ST8SIA6: variants seen among roughly 807,000 people sequenced by gnomAD.
The protein encoded by ST8SIA6 is ST8 alpha-N-acetyl-neuraminide alpha-2,8-sialyltransferase 6, also known as alpha-2,8-sialyltransferase 8F.
Under a neutral mutation model 33.6 loss-of-function variants are expected in ST8SIA6, and 39 were observed. The observed-to-expected ratio is 1.16, with a 90% confidence interval of 0.90 to 1.52. The LOEUF (loss-of-function observed/expected upper bound fraction) is 1.52. Ranked by LOEUF, ST8SIA6 falls within the 40% of genes most tolerant of loss-of-function variation. The probability of loss-of-function intolerance (pLI) is 0.00; values close to 1 mark genes in which losing one functional copy is unlikely to be tolerated. For missense variants in ST8SIA6, 441 were observed against 443.8 expected, an observed-to-expected ratio of 0.99 and a Z score of 0.06; for synonymous variants, 172 against 167.2, an observed-to-expected ratio of 1.03 and a Z score of -0.22.
At chr10:17,384,782 CT>C (rs1470825183) in intron 3 of ST8SIA6, among the ~76,000 whole-genome samples, 1 of 152,136 alleles carries the variant, frequency 6.6e-6, no homozygotes, top group Non-Finnish European at 1.5e-5. Flanking sequence ...ACTTTCATAC[CT>C]ACTTACTAAT....
At position 17,372,531 on chromosome 10, in the gene ST8SIA6, T is replaced by C. The variant is rs1849769068; in HGVS notation, c.291-12931A>G. 2.0e-5 allele frequency among the ~76,000 whole-genome samples: 3 copies of C among 152,206 alleles called. No individual in the cohort carries two copies. In the South Asian group the frequency reaches 6.2e-4, roughly 32 times the overall value. On this transcript the variant is annotated intron_variant, in intron 3 of 7. Transcript: ENST00000377602. The stretch of plus-strand genomic sequence containing the variant: ...ATTTGTCTCACTTGTAAAATTAAAA[T>C]AGTAAAACCTACTCTGAAGAAATAT...
At position 17,428,050 on chromosome 10, in the gene ST8SIA6, ATTG is replaced by A. The variant is rs1375370255; in HGVS notation, c.200+25506_200+25508del. 2.6e-5 allele frequency among the ~76,000 whole-genome samples: 4 copies of A among 152,214 alleles called. No individual in the cohort carries two copies. The East Asian group carries it at 7.7e-4, about 29-fold the overall frequency. On this transcript the variant is annotated intron_variant, in intron 2 of 7. Transcript: ENST00000377602. Reference sequence around the variant, plus strand: ...GTTTATTGTCAGAGCATTTTGAGACATTGTTTTGACTTCATTTTAAGCCCTGTT... The same window carrying A: ...GTTTATTGTCAGAGCATTTTGAGACATTTTGACTTCATTTTAAGCCCTGTT...
Position 17,454,202 on chromosome 10 carries a change from C to A in ST8SIA6, c.54G>T (p.Leu18=), listed in dbSNP as rs531940753. ...CCGGGCACCAGAGCAGGCGCAGCAG[C>A]AGCAGCAGCAGCAGGCTGGCGAGCA... ...LALLASLLLL[L]LLRLLWCPAD... The change falls in exon 1 of 8, where the codon CTG becomes CTT. Residue 18 remains leucine (L), a synonymous_variant. Transcript: ENST00000377602. The surrounding 1 kb of genome is among the most constrained non-coding windows in gnomAD (Gnocchi z 4.1). 7.9e-4 allele frequency: 220 copies of A among 278,800 alleles called. 4 individuals are homozygous for A. The South Asian group carries it at 0.013, about 17-fold the overall frequency. 17.3% of individuals were successfully genotyped at this position (278,800 alleles called of 1,614,324 possible).
intron 4 of ST8SIA6, among the ~76,000 whole-genome samples, chr10:17,349,675 G>C (rs1848966802): frequency 6.6e-6 from 1 of 152,052 alleles, no homozygotes; most frequent in African/African-American, 2.4e-5. Context: ...TTACAGGGGA[G>C]ACCAAATTTA....
At chr10:17,362,962 G>C (rs1339415883) in intron 3 of ST8SIA6, among the ~76,000 whole-genome samples, 1 of 152,000 alleles carries the variant, frequency 6.6e-6, no homozygotes, top group Non-Finnish European at 1.5e-5. Flanking sequence ...TACCCACCTC[G>C]GCCTCCCAAA....
At chr10:17,404,987 C>T (rs1851200564) in intron 2 of ST8SIA6, among the ~76,000 whole-genome samples, 1 of 152,156 alleles carries the variant, frequency 6.6e-6, no homozygotes, top group Non-Finnish European at 1.5e-5. Flanking sequence ...GCAACTCTCC[C>T]TCTCCCACAC....
Position 17,388,751 on chromosome 10 carries a change from C to T in ST8SIA6, c.290+1780G>A, listed in dbSNP as rs1034520600. Among the ~76,000 whole-genome samples the T allele has an allele frequency of 4.6e-5, 7 of 152,118 alleles. No homozygotes were observed. The East Asian group carries it at 9.6e-4, about 21-fold the overall frequency. ...TCCTTGTTTATTCCTGGGTGTAGGC[C>T]GAGCTAACTTTGAGAAGGAATTCAG... On this transcript the variant is annotated intron_variant, in intron 3 of 7. Transcript: ENST00000377602.
chr10:17,441,104 AT>A (rs1284915604), intron 2 of ST8SIA6, among the ~76,000 whole-genome samples: 8 of 151,938 alleles, frequency 5.3e-5, no homozygotes, highest in Non-Finnish European at 8.8e-5. Flanking sequence ...CTTTTTTTTA[AT>A]TTAGGAAAAA....
chr10:17,327,440 A>C (rs1279895073), intron 5 of ST8SIA6, among the ~76,000 whole-genome samples: 2 of 152,210 alleles, frequency 1.3e-5, no homozygotes, highest in South Asian at 4.2e-4. Context: ...CAAAAAAATT[A>C]GCTGGGCGTG....
chr10:17,397,233 G>GTTTTTTTTTT (rs34049805), intron 2 of ST8SIA6, among the ~76,000 whole-genome samples: 5 of 124,230 alleles, frequency 4.0e-5, no homozygotes, highest in Admixed American at 9.6e-5. Context: ...ATTGTTTTTT[G>GTTTTTTTTTT]TTTTTTTTTT....
At chr10:17,385,693 T>C (rs1850314615) in intron 3 of ST8SIA6, among the ~76,000 whole-genome samples, 2 of 152,080 alleles carry the variant, frequency 1.3e-5, no homozygotes, top group African/African-American at 2.4e-5. Flanking sequence ...CTTTTTGTGG[T>C]TCTTCAGTTG....
chr10:17,447,728 T>C (rs1240713000), intron 2 of ST8SIA6, among the ~76,000 whole-genome samples: 1 of 152,132 alleles, frequency 6.6e-6, no homozygotes, highest in Non-Finnish European at 1.5e-5. Context: ...AAGTGTATAA[T>C]AAAATAATAA....
intron 2 of ST8SIA6, among the ~76,000 whole-genome samples, chr10:17,410,963 A>G (rs2131694496): frequency 1.3e-5 from 2 of 152,356 alleles, no homozygotes; most frequent in South Asian, 4.1e-4. Context: ...AGGAAGGGTT[A>G]GCAGAGCATC....
chr10:17,422,299 A>T (rs1425299179), intron 2 of ST8SIA6, among the ~76,000 whole-genome samples: 1 of 152,264 alleles, frequency 6.6e-6, no homozygotes, highest in East Asian at 1.9e-4. Context: ...AAAATAATGA[A>T]TTTATTCCCT....
chr10:17,430,210 G>C (rs139546177), intron 2 of ST8SIA6, among the ~76,000 whole-genome samples: 1 of 152,122 alleles, frequency 6.6e-6, no homozygotes, highest in Non-Finnish European at 1.5e-5. Flanking sequence ...CTCCATCCAG[G>C]TTGCTGCAAA....
At chr10:17,436,359 T>C (rs1852254438) in intron 2 of ST8SIA6, among the ~76,000 whole-genome samples, 1 of 152,196 alleles carries the variant, frequency 6.6e-6, no homozygotes, top group Non-Finnish European at 1.5e-5. Flanking sequence ...TCACTAGATC[T>C]GATGGTTTGT....
chr10:17,348,267 G>C lies in ST8SIA6; in HGVS notation c.377+11247C>G, dbSNP rs539743091. 1.4e-3 allele frequency among the ~76,000 whole-genome samples: 206 copies of C among 146,554 alleles called. 1 individual carries two copies. Among genetic ancestry groups the C allele is most frequent in the Admixed American group, 3.6e-3 (52 of 14,580 alleles). Reference sequence around the variant, plus strand: ...GACTTTGGCAACATATTGAGAGCCTGAATTAACACTGAATCCTATGAAAAC... The same window carrying C: ...GACTTTGGCAACATATTGAGAGCCTCAATTAACACTGAATCCTATGAAAAC... On this transcript the variant is annotated intron_variant, in intron 4 of 7. Transcript: ENST00000377602.
intron 4 of ST8SIA6, among the ~76,000 whole-genome samples, chr10:17,333,291 A>G (rs998298707): frequency 6.6e-6 from 1 of 152,140 alleles, no homozygotes; most frequent in Non-Finnish European, 1.5e-5. Context: ...AGAAAGAATC[A>G]ATATTGTGAA....
intron 2 of ST8SIA6, among the ~76,000 whole-genome samples, chr10:17,416,312 C>T (rs1023208311): frequency 1.3e-5 from 2 of 152,134 alleles, no homozygotes. Flanking sequence ...TTCTTCTCCA[C>T]CTATCTCCAG....
Sources: gnomAD v4.1 joint callset for allele counts (sites outside exome capture counted in the v4.1 genomes callset) on GRCh38, gnomAD v4.1.1 for gene constraint, Gnocchi (gnomAD v3.1) non-coding constraint, MANE v1.5 for transcripts, NCBI Gene and HGNC (gene_info 2026-07-23, HGNC 2026-07-21) for gene names.